The following CNFN variants were observed in gnomAD, a reference collection of about 807,000 sequenced individuals.
CNFN encodes the protein cornefied envelope protein cornefilin.
CNFN carries 10 observed loss-of-function variants against 14.9 expected under a neutral mutation model. That is an observed-to-expected ratio of 0.67 (90% confidence interval 0.41 to 1.14). The LOEUF is 1.14. CNFN is among the 50% of genes most tolerant of loss of function. The pLI is 0.00. For synonymous variants in CNFN, 66 were observed against 60.0 expected, an observed-to-expected ratio of 1.10 and a Z score of -0.46; for missense variants, 165 against 152.8, an observed-to-expected ratio of 1.08 and a Z score of -0.42.
At chr19:42,389,509 T>C in intron 1 of CNFN, 1 of 1,290,388 alleles carries the variant, frequency 7.7e-7, no homozygotes, top group Non-Finnish European at 1.0e-6. Flanking sequence ...CACGTTGTCG[T>C]GCATCTCAAA....
chr19:42,387,037 T>G lies in CNFN; in HGVS notation c.*116A>C. 9.9e-7 allele frequency: 1 copy of G among 1,010,336 alleles called. No homozygotes were observed. The highest frequency in any genetic ancestry group is 1.5e-6 in the Non-Finnish European group (1 of 655,188). The allele number at this position is 1,010,336 out of a possible 1,614,324, so 62.6% of individuals were successfully genotyped here. On this transcript the variant is annotated 3_prime_UTR_variant, in exon 4 of 4. Transcript: ENST00000222032. The stretch of plus-strand genomic sequence containing the variant: ...GGCGGAGTTGGTTTTCAGGTTTTTA[T>G]TGTGGGTGTATTTCTGGCAGCGGGA...
In CNFN at chr19:42,387,133, G is replaced by C. The variant is rs753151921; in HGVS notation, c.*20C>G. The C allele has an allele frequency of 1.2e-6, 2 of 1,612,820 alleles. No individual in the cohort carries two copies. The highest frequency in any genetic ancestry group is 4.5e-5 in the East Asian group (2 of 44,876). On this transcript the variant is annotated 3_prime_UTR_variant, in exon 4 of 4. Coordinates refer to ENST00000222032, the MANE Select transcript of CNFN (RefSeq NM_032488.4). ...AGAGGCGAGACTGGTGGAAAAGGAC[G>C]GGGAAGACAGGGAACTTCCTTACTC...
chr19:42,387,998 A>C (rs974778343), intron 2 of CNFN, among the ~76,000 whole-genome samples: 11 of 146,900 alleles, frequency 7.5e-5, no homozygotes, highest in East Asian at 5.9e-4. Context: ...CAAAAAACAA[A>C]ACAAAAAAAA....
intron 2 of CNFN, among the ~76,000 whole-genome samples, 181 bp from the exon 3 acceptor site, chr19:42,387,657 CTTT>C (rs1174031559): frequency 2.0e-4 from 27 of 135,878 alleles, no homozygotes; most frequent in South Asian, 4.7e-4. Flanking sequence ...CAGGGTTTTT[CTTT>C]TTTTTTTTTT....
At chr19:42,388,825 T>A (rs1194997320) in intron 2 of CNFN, 101 bp downstream of exon 2, 4 of 772,876 alleles carry the variant, frequency 5.2e-6, no homozygotes, top group Non-Finnish European at 8.5e-6. Context: ...GGGAGTGGGG[T>A]TAGCAAGCGG....
Position 42,387,232 on chromosome 19 carries a change from C to G in CNFN, c.260G>C (p.Gly87Ala). 6.2e-7 allele frequency: 1 copy of G among 1,613,990 alleles called. No homozygotes were observed. The highest frequency in any genetic ancestry group is 8.5e-7 in the Non-Finnish European group (1 of 1,179,934). Residue 87 changes from glycine to alanine, a missense_variant, in exon 4 of 4, where the codon GGG becomes GCG. Gly to Ala is a moderately conservative substitution (Grantham distance 60). Coordinates refer to ENST00000222032, the MANE Select transcript of CNFN (RefSeq NM_032488.4). ...RERYHIQGSVGHDWAALTFCL... is the reference protein window; with the variant it reads ...RERYHIQGSVAHDWAALTFCL... ...AAAGGTGAGGGCCGCCCAGTCGTGC[C>G]CGACGGAGCCCTAGAGGGTAGGAGA...
At chr19:42,390,025 G>A (rs2039886526) in intron 1 of CNFN, among the ~76,000 whole-genome samples, 1 of 152,252 alleles carries the variant, frequency 6.6e-6, no homozygotes, top group African/African-American at 2.4e-5. Flanking sequence ...GGTTCATAGA[G>A]GTGATGCTGG....
Position 42,387,188 on chromosome 19 carries a change from A to G in CNFN, c.304T>C (p.Cys102Arg). Residue 102 changes from cysteine to arginine, a missense_variant, in exon 4 of 4, where the codon TGC becomes CGC. Transcript: ENST00000222032. ...ATCTTCAGTTCCCGCGCCATCTGGC[A>G]GAGGGCGCAGGGCAGACAAAAGGTG... ...ALTFCLPCAL[C>R]QMARELKIRE The G allele has an allele frequency of 1.2e-6, 2 of 1,614,228 alleles. No homozygotes were observed. Among genetic ancestry groups the G allele is most frequent in the Non-Finnish European group, 1.7e-6 (2 of 1,180,044 alleles).
chr19:42,387,543 G>C, intron 2 of CNFN, 67 bp from the exon 3 acceptor site: 2 of 1,303,696 alleles, frequency 1.5e-6, no homozygotes, highest in Non-Finnish European at 1.0e-6. Flanking sequence ...GCCCCGGGGG[G>C]GGCGCGGTTG....
rs948262609 is a variant in CNFN at position 42,387,068 on chromosome 19, G to T, written c.*85C>A. 7.6e-7 allele frequency: 1 copy of T among 1,316,700 alleles called. No homozygotes were observed. The highest frequency in any genetic ancestry group is 1.1e-6 in the Non-Finnish European group (1 of 912,004). 81.6% of individuals were successfully genotyped at this position (1,316,700 alleles called of 1,614,324 possible). ...GTGTATTTCTGGCAGCGGGACAGGG[G>T]TGGTGAGGCAGTCCCTCCCAGGAGT... is the stretch of plus-strand genomic sequence containing the variant. On this transcript the variant is annotated 3_prime_UTR_variant, in exon 4 of 4. Coordinates refer to ENST00000222032, the MANE Select transcript of CNFN (RefSeq NM_032488.4).
rs1391531285 is a variant in CNFN, at chr19:42,387,453, G to C, written c.136C>G (p.Leu46Val). The part of the protein sequence containing the change: ...PVCLCGTFAP[L>V]CLACRISDDF... ...TCGGAGATGCGGCAGGCAAGGCACA[G>C]AGGAGCAAAAGTGCCGCACAGACCT... Residue 46 changes from leucine (L) to valine (V), a missense_variant, in exon 3 of 4, where the codon CTG becomes GTG. Transcript: ENST00000222032. 4 of 1,593,460 alleles carry C rather than the reference G, an allele frequency of 2.5e-6. No individual in the cohort carries two copies. The highest frequency in any genetic ancestry group is 4.6e-5 in the East Asian group (2 of 43,664).
At chr19:42,387,275 G>T (rs754643804) in intron 3 of CNFN, 33 bp from the exon 4 acceptor site, 1 of 1,608,834 alleles carries the variant, frequency 6.2e-7, no homozygotes, top group South Asian at 1.1e-5. Context: ...CAGGAGCCCC[G>T]CGGTGGGTCC....
intron 2 of CNFN, among the ~76,000 whole-genome samples, chr19:42,388,570 G>A (rs2039873691): frequency 6.6e-6 from 1 of 152,016 alleles, no homozygotes; most frequent in African/African-American, 2.4e-5. Flanking sequence ...TGGCCTCAAG[G>A]GATTGTCATG....
intron 2 of CNFN, among the ~76,000 whole-genome samples, chr19:42,388,133 C>T (rs2039869952): frequency 6.6e-6 from 1 of 151,948 alleles, no homozygotes; most frequent in African/African-American, 2.4e-5. Context: ...GCAATCCTCC[C>T]GCCTCGGCCT....
intron 2 of CNFN, among the ~76,000 whole-genome samples, chr19:42,388,660 G>A (rs1446022750): frequency 6.6e-6 from 1 of 152,172 alleles, no homozygotes; most frequent in Non-Finnish European, 1.5e-5. Context: ...GAGGGAGTTG[G>A]GGGTCACAGT....
At chr19:42,389,508 G>A (rs1351500430) in intron 1 of CNFN, 11 of 1,290,256 alleles carry the variant, frequency 8.5e-6, no homozygotes, top group Middle Eastern at 2.1e-4. Context: ...TCACGTTGTC[G>A]TGCATCTCAA....
intron 2 of CNFN, among the ~76,000 whole-genome samples, chr19:42,387,979 C>CAAAAA (rs200969895): frequency 3.2e-5 from 1 of 30,932 alleles, no homozygotes; most frequent in Non-Finnish European, 6.2e-5. Flanking sequence ...TACTCCGTCT[C>CAAAAA]AAAAAAAACA....
chr19:42,387,365 C>A lies in CNFN; in HGVS notation c.224G>T (p.Gly75Val). The A allele has an allele frequency of 6.3e-7, 1 of 1,597,806 alleles. No individual in the cohort carries two copies. Among genetic ancestry groups the A allele is most frequent in the Non-Finnish European group, 8.5e-7 (1 of 1,173,420 alleles). Residue 75 changes from glycine (G) to valine (V), a missense_variant, in exon 3 of 4, where the codon GGC becomes GTC. Physicochemically the swap from Gly to Val is moderately radical, Grantham distance 109 (BLOSUM62 -3). Coordinates refer to ENST00000222032, the MANE Select transcript of CNFN (RefSeq NM_032488.4). ...LPGGLHSIRTGMRERYHIQGS... is the reference protein window; with the variant it reads ...LPGGLHSIRTVMRERYHIQGS... ...CTGGATGTGGTAGCGCTCCCGCATG[C>A]CGGTGCGGATGGAGTGCAGGCCTCC...
In CNFN at chr19:42,387,466, G is replaced by A. The variant is rs765253193; in HGVS notation, c.123C>T (p.Gly41=). The change falls in exon 3 of 4, where the codon GGC becomes GGT. Residue 41 remains glycine (G), a synonymous_variant. Transcript: ENST00000222032. ...CCNDMPVCLC[G]TFAPLCLACR... ...AGGCAAGGCACAGAGGAGCAAAAGTGCCGCACAGACCTGGGCGGGGCGCAG... is the reference window on the plus strand; with the variant it reads ...AGGCAAGGCACAGAGGAGCAAAAGTACCGCACAGACCTGGGCGGGGCGCAG... 4.4e-6 allele frequency: 7 copies of A among 1,585,214 alleles called. No individual in the cohort carries two copies. The Admixed American group carries it at 8.9e-5, about 20-fold the overall frequency.
Sources: allele counts gnomAD v4.1 joint callset (sites outside exome capture counted in the v4.1 genomes callset), GRCh38; gene constraint gnomAD v4.1.1; transcripts MANE v1.5; gene names NCBI Gene and HGNC (gene_info 2026-07-23, HGNC 2026-07-21).